Variants in CDKAL1 observed in about 807,000 individuals in gnomAD.
CDKAL1 encodes CDKAL1 threonylcarbamoyladenosine tRNA methylthiotransferase, also known as threonylcarbamoyladenosine tRNA methylthiotransferase.
Under a neutral mutation model 68.2 loss-of-function variants are expected in CDKAL1, and 32 were observed. The observed-to-expected ratio is 0.47, with a 90% CI of 0.35 to 0.63. CDKAL1 has a LOEUF of 0.63. Ranked by LOEUF, CDKAL1 falls within the 30% of genes least tolerant of loss-of-function variation. CDKAL1 has a pLI of 0.00. For synonymous variants in CDKAL1, 234 were observed against 244.3 expected (o/e 0.96, Z 0.39); for missense variants, 606 against 696.7 (o/e 0.87, Z 1.47).
At chr6:20,868,106 G>A (rs1027896672) in intron 9 of CDKAL1, among the ~76,000 whole-genome samples, 1 of 152,078 alleles carries the variant, frequency 6.6e-6, no homozygotes, top group Non-Finnish European at 1.5e-5. Context: ...ACACACATAG[G>A]CATACACTCA....
At chr6:20,886,992 C>G (rs892991596) in intron 9 of CDKAL1, among the ~76,000 whole-genome samples, 14 of 152,036 alleles carry the variant, frequency 9.2e-5, no homozygotes, top group African/African-American at 3.4e-4. Flanking sequence ...TGAAGACAAA[C>G]AACTGAATTT....
rs115121237 is a variant in CDKAL1, at chr6:21,096,329, G to C, written c.1237-12072G>C. 6.1e-3 allele frequency among the ~76,000 whole-genome samples: 928 copies of C among 152,284 alleles called. 8 individuals carry two copies. Among genetic ancestry groups the C allele is most frequent in the African/African-American group, 0.021 (879 of 41,548 alleles). On this transcript the variant is annotated intron_variant, in intron 12 of 15. Transcript: ENST00000274695. ...CATCACTTTTTCCCTTGGGTGCGAT[G>C]TGGATTAGCGTCTGGAAGCTGGTAT...
intron 9 of CDKAL1, among the ~76,000 whole-genome samples, chr6:20,886,881 T>C (rs1228188021): frequency 2.0e-5 from 3 of 152,188 alleles, no homozygotes; most frequent in Admixed American, 6.5e-5. Flanking sequence ...TAAAGAGCTC[T>C]GTTAAAATGA....
At position 20,549,578 on chromosome 6, in the gene CDKAL1, TTATATTTA is replaced by T. The variant is rs1182698375; in HGVS notation, c.286+875_286+882del. 1.7e-3 allele frequency among the ~76,000 whole-genome samples: 201 copies of T among 118,310 alleles called. 1 individual carries two copies. Among genetic ancestry groups the T allele is most frequent in the African/African-American group, 5.9e-3 (192 of 32,520 alleles). The allele number at this position is 118,310 out of a possible 152,430, so 77.6% of individuals were successfully genotyped here. A position where few individuals can be genotyped will look rare whatever the true frequency, so the allele number is the denominator to read the frequency against. On this transcript the variant is annotated intron_variant, in intron 4 of 15. Coordinates refer to ENST00000274695, the MANE Select transcript of CDKAL1 (RefSeq NM_017774.3). Reference sequence around the variant, plus strand: ...TTCTGCTATCTTGTTTTCTTTACATTTATATTTATTTATTTATTTATTTATTTATTTAT... The same window carrying T: ...TTCTGCTATCTTGTTTTCTTTACATTTTTATTTATTTATTTATTTATTTAT...
intron 14 of CDKAL1, 104 bp downstream of exon 14, chr6:21,198,208 A>G: frequency 1.4e-6 from 1 of 726,886 alleles, no homozygotes; most frequent in Non-Finnish European, 2.3e-6. Context: ...TCTTGTCACA[A>G]CAAGGCTGTT....
At chr6:20,802,526 T>C (rs1344330251) in intron 8 of CDKAL1, among the ~76,000 whole-genome samples, 1 of 152,080 alleles carries the variant, frequency 6.6e-6, no homozygotes, top group Non-Finnish European at 1.5e-5. Context: ...TTTGGAGATA[T>C]ATATGTGAAA....
chr6:20,652,826 A>T (rs377056779), intron 5 of CDKAL1, among the ~76,000 whole-genome samples: 33 of 152,206 alleles, frequency 2.2e-4, no homozygotes, highest in Non-Finnish European at 4.6e-4. Context: ...GAAGTATAAC[A>T]TTGTCAAGAC....
intron 15 of CDKAL1, among the ~76,000 whole-genome samples, chr6:21,225,172 A>G (rs1779694499): frequency 6.6e-6 from 1 of 152,160 alleles, no homozygotes; most frequent in African/African-American, 2.4e-5. Flanking sequence ...GCCAGCTGAC[A>G]AGACGAGCAG....
At chr6:21,047,598 C>T (rs1334633344) in intron 11 of CDKAL1, among the ~76,000 whole-genome samples, 1 of 152,180 alleles carries the variant, frequency 6.6e-6, no homozygotes, top group African/African-American at 2.4e-5. Context: ...CCTCAACTGT[C>T]TATGTGGCTG....
chr6:20,982,932 T>C (rs1245570740), intron 10 of CDKAL1, among the ~76,000 whole-genome samples: 6 of 152,194 alleles, frequency 3.9e-5, no homozygotes, highest in Admixed American at 2.0e-4. Flanking sequence ...TTTCTTCATC[T>C]CTCTTTACAT....
intron 4 of CDKAL1, among the ~76,000 whole-genome samples, chr6:20,613,238 A>G (rs866261931): frequency 7.8e-6 from 1 of 128,354 alleles, no homozygotes; most frequent in Non-Finnish European, 1.6e-5. Flanking sequence ...AGTTCATCAC[A>G]AAATTTCTTT....
chr6:20,908,186 A>AT lies in CDKAL1; in HGVS notation c.743-47224dup, dbSNP rs200894456. Among the ~76,000 whole-genome samples the AT allele has an allele frequency of 3.3e-3, 498 of 151,834 alleles. 6 individuals carry two copies. The East Asian group carries it at 0.045, about 14-fold the overall frequency. The stretch of plus-strand genomic sequence containing the variant: ...AAATCATATAGGCTTCTGAAAGTTG[A>AT]TTTTTTTTTCTCTACCACTTCAAAT... On this transcript the variant is annotated intron_variant, in intron 9 of 15. Coordinates refer to ENST00000274695, the MANE Select transcript of CDKAL1 (RefSeq NM_017774.3).
intron 9 of CDKAL1, among the ~76,000 whole-genome samples, chr6:20,863,939 TG>T (rs2150528478): frequency 6.6e-6 from 1 of 152,326 alleles, no homozygotes; most frequent in East Asian, 1.9e-4. Context: ...TTATATGCAA[TG>T]GTCTGACCTT....
intron 13 of CDKAL1, among the ~76,000 whole-genome samples, chr6:21,172,118 T>C (rs1311171108): frequency 6.6e-6 from 1 of 152,160 alleles, no homozygotes; most frequent in Non-Finnish European, 1.5e-5. Flanking sequence ...AGCCAGTCAA[T>C]ATTTTGTTGC....
chr6:20,877,019 G>A (rs1160203246), intron 9 of CDKAL1, among the ~76,000 whole-genome samples: 1 of 152,142 alleles, frequency 6.6e-6, no homozygotes, highest in South Asian at 2.1e-4. Context: ...AGTATGTGCT[G>A]TGTATTGGAA....
chr6:20,904,393 C>G (rs1433001404), intron 9 of CDKAL1, among the ~76,000 whole-genome samples: 2 of 152,040 alleles, frequency 1.3e-5, no homozygotes, highest in Non-Finnish European at 2.9e-5. Flanking sequence ...AGATTCAGTC[C>G]CTTTTTCACC....
At chr6:20,766,802 A>G (rs1774723205) in intron 7 of CDKAL1, among the ~76,000 whole-genome samples, 1 of 152,310 alleles carries the variant, frequency 6.6e-6, no homozygotes, top group African/African-American at 2.4e-5. Context: ...TTTCTCAACC[A>G]TATTAATTTT....
chr6:20,695,085 T>G (rs899355291), intron 5 of CDKAL1, among the ~76,000 whole-genome samples: 1 of 152,188 alleles, frequency 6.6e-6, no homozygotes, highest in Non-Finnish European at 1.5e-5. Flanking sequence ...TGACACAGAC[T>G]GACTGAGACA....
chr6:20,808,772 C>G (rs182997868), intron 8 of CDKAL1, among the ~76,000 whole-genome samples: 273 of 152,142 alleles, frequency 1.8e-3, no homozygotes, highest in Admixed American at 2.7e-3. Context: ...GTATCCTGTA[C>G]ATTATACTTA....
Sources: allele counts gnomAD v4.1 joint callset (sites outside exome capture counted in the v4.1 genomes callset), GRCh38; gene constraint gnomAD v4.1.1; transcripts MANE v1.5; gene names NCBI Gene and HGNC (gene_info 2026-07-23, HGNC 2026-07-21).